RANBP2: variants seen among roughly 807,000 people sequenced by gnomAD.
RANBP2 encodes RAN binding protein 2, also known as E3 SUMO-protein ligase RanBP2.
A neutral mutation model predicts 303.6 loss-of-function variants in RANBP2; 57 were observed. The observed-to-expected ratio is 0.19, with a 90% confidence interval of 0.15 to 0.23. The LOEUF is 0.23. RANBP2 is among the 10% of genes least tolerant of loss of function. RANBP2 has a pLI of 1.00. For missense variants in RANBP2, 3,138 were observed against 3,780.8 expected (o/e 0.83, Z 4.46); for synonymous variants, 1,167 against 1,301.5 (o/e 0.90, Z 2.23).
the RANBP2 span, among the ~76,000 whole-genome samples, chr2:109,387,265 G>A: frequency 6.6e-6 from 1 of 152,168 alleles, no homozygotes; most frequent in Non-Finnish European, 1.5e-5. Flanking sequence ...GCTTCCAAGT[G>A]CCTCACCTGT....
At chr2:109,016,325 C>T in the RANBP2 span, among the ~76,000 whole-genome samples, 2 of 152,120 alleles carry the variant, frequency 1.3e-5, no homozygotes, top group East Asian at 3.9e-4. Flanking sequence ...CCTGACCTCA[C>T]GTCTGCCTGC....
the RANBP2 span, among the ~76,000 whole-genome samples, chr2:109,538,392 T>C: frequency 6.6e-6 from 1 of 152,254 alleles, no homozygotes; most frequent in African/African-American, 2.4e-5. Flanking sequence ...AGAATAAGGC[T>C]GTGGATGTCT....
At chr2:109,516,293 C>G in the RANBP2 span, among the ~76,000 whole-genome samples, 4 of 152,222 alleles carry the variant, frequency 2.6e-5, no homozygotes, top group African/African-American at 7.2e-5. Context: ...GCAGCCCTCT[C>G]CCCTGGCGTC....
At chr2:108,770,949 G>A (rs1677455459) in intron 20 of RANBP2, among the ~76,000 whole-genome samples, 1 of 152,116 alleles carries the variant, frequency 6.6e-6, no homozygotes, top group Non-Finnish European at 1.5e-5. Flanking sequence ...CCTATCACTA[G>A]TTGGTATACA....
the RANBP2 span, among the ~76,000 whole-genome samples, chr2:109,216,566 C>T: frequency 6.6e-6 from 1 of 152,136 alleles, no homozygotes; most frequent in Admixed American, 6.5e-5. Context: ...ACACACAGCC[C>T]GAAGCCTGAG....
At chr2:109,077,003 C>T in the RANBP2 span, among the ~76,000 whole-genome samples, 1 of 150,440 alleles carries the variant, frequency 6.6e-6, no homozygotes, top group Non-Finnish European at 1.5e-5. Context: ...TACTGCAAAG[C>T]CATACTAATC....
At chr2:108,893,062 A>C in the RANBP2 span, among the ~76,000 whole-genome samples, 1 of 152,246 alleles carries the variant, frequency 6.6e-6, no homozygotes, top group Non-Finnish European at 1.5e-5. Flanking sequence ...GGCCACAAGG[A>C]TAAAAGAAGG....
the RANBP2 span, among the ~76,000 whole-genome samples, chr2:109,704,423 G>A: frequency 2.0e-5 from 3 of 151,730 alleles, no homozygotes; most frequent in Non-Finnish European, 2.9e-5. Flanking sequence ...GGTGGCACGC[G>A]CCTATGGTCC....
At chr2:109,273,363 T>C in the RANBP2 span, among the ~76,000 whole-genome samples, 1 of 152,182 alleles carries the variant, frequency 6.6e-6, no homozygotes, top group Non-Finnish European at 1.5e-5. Context: ...CCAAGCTCCA[T>C]TGAGCCTTAA....
At chr2:109,505,104 C>T in the RANBP2 span, among the ~76,000 whole-genome samples, 1 of 152,202 alleles carries the variant, frequency 6.6e-6, no homozygotes, top group Admixed American at 6.5e-5. Flanking sequence ...CTTGGGGCGC[C>T]TGAGCCATGG....
the RANBP2 span, chr2:109,128,881 G>C: frequency 9.5e-6 from 3 of 315,204 alleles, no homozygotes; most frequent in African/African-American, 2.3e-5. Context: ...TAGGGGACCA[G>C]GCTAATCGCC....
the RANBP2 span, among the ~76,000 whole-genome samples, chr2:109,692,215 G>A: frequency 1.3e-5 from 2 of 151,792 alleles, no homozygotes; most frequent in African/African-American, 4.8e-5. Context: ...CACATGGTAC[G>A]TGATTCTATT....
chr2:109,118,419 T>C, the RANBP2 span, among the ~76,000 whole-genome samples: 13 of 150,966 alleles, frequency 8.6e-5, no homozygotes, highest in African/African-American at 2.9e-4. Context: ...GGGGTCTGCC[T>C]GCAGACCCTG....
At chr2:109,483,362 T>C in the RANBP2 span, among the ~76,000 whole-genome samples, 1 of 152,188 alleles carries the variant, frequency 6.6e-6, no homozygotes, top group Non-Finnish European at 1.5e-5. Context: ...GTCCCAGGCC[T>C]CTGGCCAGGT....
the RANBP2 span, among the ~76,000 whole-genome samples, chr2:109,334,952 T>C: frequency 1.3e-5 from 2 of 152,228 alleles, no homozygotes; most frequent in Admixed American, 1.3e-4. Flanking sequence ...TTTAACTCTT[T>C]GCGTGCCTTC....
the RANBP2 span, chr2:109,545,438 C>CT: frequency 6.5e-7 from 1 of 1,536,140 alleles, no homozygotes; most frequent in Non-Finnish European, 8.7e-7. Context: ...TGGCTGCCCC[C>CT]TTGCACTGTG....
the RANBP2 span, among the ~76,000 whole-genome samples, chr2:109,488,951 G>A: frequency 6.6e-6 from 1 of 152,170 alleles, no homozygotes; most frequent in Non-Finnish European, 1.5e-5. Context: ...GAGCTGGGCC[G>A]CCTCTTCCTC....
chr2:108,830,506 A>T, the RANBP2 span, among the ~76,000 whole-genome samples: 2 of 152,202 alleles, frequency 1.3e-5, no homozygotes, highest in Non-Finnish European at 2.9e-5. Context: ...CACTTTGCAG[A>T]AGTTAGGCAA....
chr2:108,806,573 C>G, the RANBP2 span, among the ~76,000 whole-genome samples: 1 of 152,154 alleles, frequency 6.6e-6, no homozygotes, highest in Non-Finnish European at 1.5e-5. Flanking sequence ...CATGTGGTCT[C>G]TCTTTCAGTG....
Sources: gnomAD v4.1 joint callset for allele counts (sites outside exome capture counted in the v4.1 genomes callset) on GRCh38, gnomAD v4.1.1 for gene constraint, MANE v1.5 for transcripts, NCBI Gene and HGNC (gene_info 2026-07-23, HGNC 2026-07-21) for gene names.